Variants in RARG observed in about 807,000 individuals in gnomAD.
RARG encodes the protein retinoic acid receptor gamma, also known as RAR-gamma.
In RARG, 17 loss-of-function variants were observed where a neutral mutation model predicts 43.7. The ratio of observed to expected loss-of-function variants is 0.39; its 90% CI spans 0.27 to 0.58. RARG has a LOEUF of 0.58. RARG is among the 20% of genes least tolerant of loss of function. The probability of loss-of-function intolerance (pLI) is 0.57; values close to 1 mark genes in which losing one functional copy is unlikely to be tolerated. For missense variants in RARG, 346 were observed against 598.7 expected (o/e 0.58, Z 4.40); for synonymous variants, 238 against 236.4 (o/e 1.01, Z -0.06).
At chr12:53,212,492 G>A (rs1262425419) in intron 9 of RARG, among the ~76,000 whole-genome samples, 1 of 152,076 alleles carries the variant, frequency 6.6e-6, no homozygotes, top group East Asian at 1.9e-4. Context: ...GACTGCAGTG[G>A]CTATTCACAG....
At chr12:53,229,874 G>T in intron 2 of RARG, 1 of 877,520 alleles carries the variant, frequency 1.1e-6, no homozygotes, top group Middle Eastern at 5.8e-4. Context: ...GGGCAGTGGG[G>T]GTCCCCACAG....
intron 3 of RARG, chr12:53,220,302 G>A: frequency 7.0e-7 from 1 of 1,421,834 alleles, no homozygotes; most frequent in Non-Finnish European, 9.2e-7. Context: ...GGGGCGCGAA[G>A]CTGGGGCTGC....
At chr12:53,219,926 C>A in intron 3 of RARG, 1 of 1,491,734 alleles carries the variant, frequency 6.7e-7, no homozygotes. Flanking sequence ...ACCCTACACC[C>A]CAGCCCCGGA....
At chr12:53,221,192 C>A (rs911806645) in intron 3 of RARG, among the ~76,000 whole-genome samples, 1 of 146,064 alleles carries the variant, frequency 6.8e-6, no homozygotes, top group Non-Finnish European at 1.5e-5. Flanking sequence ...CCAGAGTCTA[C>A]CCCTCCTAGC....
chr12:53,214,557 C>G lies in RARG; in HGVS notation c.525G>C (p.Gly175=). ...NKKKKEVKEE[G]SPDSYELSPQ... ...GGCTCAGCTCATAGCTGTCAGGTGA[C>G]CCTTCTTCCTTCACCTCTTTCTTCT... Residue 175 remains glycine, a synonymous_variant, in exon 6 of 10, where the codon GGG becomes GGC. Coordinates refer to ENST00000425354, the MANE Select transcript of RARG (RefSeq NM_000966.6). The G allele has an allele frequency of 6.2e-7, 1 of 1,611,602 alleles. No homozygotes were observed. The highest frequency in any genetic ancestry group is 8.5e-7 in the Non-Finnish European group (1 of 1,177,880).
In RARG at chr12:53,210,854, G is replaced by T. The variant is rs1942569588; in HGVS notation, c.*822C>A. 6.6e-6 allele frequency: 1 copy of T among 152,378 alleles called. No homozygotes were observed. The allele number at this position is 152,378 out of a possible 1,614,324, so 9.4% of individuals were successfully genotyped here. ...ATAAATAAATAGAGGCTTCCTCTGG[G>T]TCAGGGCGGGATCAGCTAAGCAGCA... On this transcript the variant is annotated 3_prime_UTR_variant, in exon 10 of 10. Coordinates refer to ENST00000425354, the MANE Select transcript of RARG (RefSeq NM_000966.6).
In RARG at chr12:53,213,450, G is replaced by C. The variant is rs1412846198; in HGVS notation, c.1018+46C>G. On this transcript the variant is annotated intron_variant, in intron 8 of 9. Transcript: ENST00000425354. The surrounding 1 kb of genome is among the most constrained non-coding windows in gnomAD (Gnocchi z 4.7). The stretch of plus-strand genomic sequence containing the variant: ...AGACAGATTCCGCATGGAGTGGTGG[G>C]AAAGGAGACTGAGCACTGAGCAGAC... The C allele has an allele frequency of 6.3e-7, 1 of 1,590,476 alleles. No individual in the cohort carries two copies. The highest frequency in any genetic ancestry group is 1.1e-5 in the South Asian group (1 of 90,488).
At chr12:53,220,812 A>G (rs941941262) in intron 3 of RARG, among the ~76,000 whole-genome samples, 1 of 152,056 alleles carries the variant, frequency 6.6e-6, no homozygotes, top group Non-Finnish European at 1.5e-5. Flanking sequence ...TAGTCAATAC[A>G]GGGGTGTTAA....
chr12:53,211,946 G>A lies in RARG; in HGVS notation c.1178-83C>T. 8.7e-7 allele frequency: 1 copy of A among 1,151,030 alleles called. No homozygotes were observed. 71.3% of individuals were successfully genotyped at this position (1,151,030 alleles called of 1,614,324 possible). A position where few individuals can be genotyped will look rare whatever the true frequency, so the allele number is the denominator to read the frequency against. On this transcript the variant is annotated intron_variant, in intron 9 of 9. Transcript: ENST00000425354. The surrounding 1 kb of genome is among the most constrained non-coding windows in gnomAD (Gnocchi z 4.6). ...GCCATCTCCCTAACCTTTCTCAACTGCCCCTGACTCCCCTAGGGGGCGCCC... is the reference window on the plus strand; with the variant it reads ...GCCATCTCCCTAACCTTTCTCAACTACCCCTGACTCCCCTAGGGGGCGCCC...
intron 3 of RARG, among the ~76,000 whole-genome samples, chr12:53,221,206 A>G (rs556785086): frequency 3.8e-5 from 5 of 132,080 alleles, no homozygotes; most frequent in African/African-American, 1.4e-4. Context: ...TCCTAGCCCG[A>G]GCAGTCCGCC....
At position 53,214,233 on chromosome 12, in the gene RARG, G is replaced by A. The variant is rs760204680; in HGVS notation, c.639C>T (p.Asn213=). 2.5e-6 allele frequency: 4 copies of A among 1,611,992 alleles called. No individual in the cohort carries two copies. The South Asian group carries it at 4.4e-5, about 18-fold the overall frequency. ...GCTGCACGCGGTGGTCTGCACTGGA[G>A]TTCTGCAGAGGGGAGGGGTAGAAGG... ...SLCQLGKYTT[N]SSADHRVQLD... Residue 213 remains asparagine (N), a splice_region_variant and synonymous_variant, in exon 7 of 10, where the codon AAC becomes AAT. Coordinates refer to ENST00000425354, the MANE Select transcript of RARG (RefSeq NM_000966.6).
Position 53,227,830 on chromosome 12 carries a change from TAG to T in RARG, c.-142-145_-142-144del. 1.9e-6 allele frequency: 1 copy of T among 539,346 alleles called. No homozygotes were observed. Among genetic ancestry groups the T allele is most frequent in the Non-Finnish European group, 2.7e-6 (1 of 370,536 alleles). The allele number at this position is 539,346 out of a possible 1,614,324, so 33.4% of individuals were successfully genotyped here. A position where few individuals can be genotyped will look rare whatever the true frequency, so the allele number is the denominator to read the frequency against. On this transcript the variant is annotated intron_variant, in intron 2 of 9. Coordinates refer to ENST00000425354, the MANE Select transcript of RARG (RefSeq NM_000966.6). This position sits in a 1 kb window ranked among gnomAD's most constrained non-coding sequence, Gnocchi z 4.3. Reference sequence around the variant, plus strand: ...CTGGCTCAGGGCCCTTGCAGTGTGGTAGAGAGGGCACGGCAGGGGGTTATGCA... The same window carrying T: ...CTGGCTCAGGGCCCTTGCAGTGTGGTAGAGGGCACGGCAGGGGGTTATGCA...
chr12:53,223,344 G>T (rs957068899), intron 3 of RARG, among the ~76,000 whole-genome samples: 1 of 152,128 alleles, frequency 6.6e-6, no homozygotes, highest in Non-Finnish European at 1.5e-5. Flanking sequence ...CAATGGGAGG[G>T]GGGTCTCTGG....
rs538698705 is a variant in RARG, at chr12:53,210,788, C to T, written c.*888G>A. On this transcript the variant is annotated 3_prime_UTR_variant, in exon 10 of 10. Coordinates refer to ENST00000425354, the MANE Select transcript of RARG (RefSeq NM_000966.6). ...GCCCTGGGCTCCCCCACCCAAGACCCCTGGAGGAAGGGGTCAATTCCACGG... is the reference window on the plus strand; with the variant it reads ...GCCCTGGGCTCCCCCACCCAAGACCTCTGGAGGAAGGGGTCAATTCCACGG... The T allele has an allele frequency of 2.0e-5, 3 of 152,660 alleles. No individual in the cohort carries two copies. Among genetic ancestry groups the T allele is most frequent in the East Asian group, 1.9e-4 (1 of 5,172 alleles). The allele number at this position is 152,660 out of a possible 1,614,324, so 9.5% of individuals were successfully genotyped here.
intron 3 of RARG, among the ~76,000 whole-genome samples, chr12:53,221,469 T>C (rs1398039093): frequency 6.6e-6 from 1 of 152,148 alleles, no homozygotes; most frequent in Non-Finnish European, 1.5e-5. Flanking sequence ...GCGCTTCTGG[T>C]CACTGACTGT....
intron 2 of RARG, among the ~76,000 whole-genome samples, chr12:53,228,361 T>C (rs1943157062): frequency 6.6e-6 from 1 of 152,198 alleles, no homozygotes; most frequent in African/African-American, 2.4e-5. Context: ...ATGGTTATTG[T>C]GAGGACTAAA....
chr12:53,211,962 G>C lies in RARG; in HGVS notation c.1178-99C>G, dbSNP rs1031383239. On this transcript the variant is annotated intron_variant, in intron 9 of 9. Coordinates refer to ENST00000425354, the MANE Select transcript of RARG (RefSeq NM_000966.6). The surrounding 1 kb of genome is among the most constrained non-coding windows in gnomAD (Gnocchi z 4.6). Reference sequence around the variant, plus strand: ...TTCTCAACTGCCCCTGACTCCCCTAGGGGGCGCCCAGCACAGGCCCACCAC... The same window carrying C: ...TTCTCAACTGCCCCTGACTCCCCTACGGGGCGCCCAGCACAGGCCCACCAC... The C allele has an allele frequency of 6.1e-6, 6 of 979,638 alleles. No homozygotes were observed. In the African/African-American group the frequency reaches 1.0e-4, roughly 17 times the overall value. 60.7% of individuals were successfully genotyped at this position (979,638 alleles called of 1,614,324 possible).
At chr12:53,219,317 TC>T (rs1395087508) in intron 3 of RARG, among the ~76,000 whole-genome samples, 1 of 152,198 alleles carries the variant, frequency 6.6e-6, no homozygotes, top group Non-Finnish European at 1.5e-5. Context: ...GCCTTCTCCC[TC>T]TTGTGTGCAC....
intron 5 of RARG, chr12:53,214,987 T>G: frequency 2.1e-6 from 1 of 470,496 alleles, no homozygotes; most frequent in Admixed American, 3.6e-5. Context: ...TCTGGCTCAG[T>G]CCAGGGGAGG....
Sources: allele counts gnomAD v4.1 joint callset (sites outside exome capture counted in the v4.1 genomes callset), GRCh38; gene constraint gnomAD v4.1.1; non-coding constraint Gnocchi (gnomAD v3.1); transcripts MANE v1.5; gene names NCBI Gene and HGNC (gene_info 2026-07-23, HGNC 2026-07-21).